PCDH15: variants seen among roughly 807,000 people sequenced by gnomAD.
PCDH15 encodes the protein protocadherin-15.
PCDH15 carries 129 observed loss-of-function variants against 178.5 expected under a neutral mutation model. The observed-to-expected ratio is 0.72, with a 90% CI of 0.63 to 0.84. PCDH15 has a LOEUF of 0.84. Among genes scored for constraint, PCDH15 ranks in the 40% least tolerant of loss-of-function variants. The pLI, the probability that PCDH15 is intolerant of heterozygous loss-of-function variation, is 0.00. For synonymous variants in PCDH15, 800 were observed against 732.0 expected (o/e 1.09, Z -1.50); for missense variants, 2,230 against 2,099.9 (o/e 1.06, Z -1.21).
rs143828288 is a variant in PCDH15, at chr10:55,199,576, A to G, written c.-155-32925T>C. On this transcript the variant is annotated intron_variant, in intron 1 of 5. Transcript: ENST00000458638. Reference sequence around the variant, plus strand: ...ATTCAAGCCCACTGCAGAAATTTATATAAGTAAAGAAGAGCAGAATATAAA... The same window carrying G: ...ATTCAAGCCCACTGCAGAAATTTATGTAAGTAAAGAAGAGCAGAATATAAA... 6.6e-4 allele frequency among the ~76,000 whole-genome samples: 101 copies of G among 152,256 alleles called. 3 individuals are homozygous for G. Among genetic ancestry groups the G allele is most frequent in the African/African-American group, 2.2e-3 (91 of 41,490 alleles).
intron 15 of PCDH15, among the ~76,000 whole-genome samples, chr10:54,097,080 T>C (rs772889961): frequency 1.3e-5 from 2 of 152,222 alleles, no homozygotes; most frequent in African/African-American, 2.4e-5. Flanking sequence ...ACTCCAGGCC[T>C]AGAATGTGCT....
chr10:55,460,820 C>T (rs1839660669), intron 2 of PCDH15, among the ~76,000 whole-genome samples: 1 of 152,020 alleles, frequency 6.6e-6, no homozygotes, highest in African/African-American at 2.4e-5. Flanking sequence ...GGATATTTTT[C>T]TCTCATAATA....
intron 26 of PCDH15, among the ~76,000 whole-genome samples, chr10:53,887,762 G>A (rs2081201195): frequency 6.6e-6 from 1 of 152,280 alleles, no homozygotes; most frequent in South Asian, 2.1e-4. Context: ...GGTGGCACAT[G>A]CCTGTAGTCC....
At chr10:54,265,099 G>A (rs1241677644) in intron 8 of PCDH15, among the ~76,000 whole-genome samples, 11 of 152,032 alleles carry the variant, frequency 7.2e-5, no homozygotes, top group Non-Finnish European at 1.5e-5. Flanking sequence ...GAGATTAGAG[G>A]TCTATTTTTA....
intron 5 of PCDH15, among the ~76,000 whole-genome samples, chr10:54,366,016 C>T (rs977488685): frequency 4.2e-4 from 64 of 152,118 alleles, no homozygotes; most frequent in African/African-American, 1.5e-3. Flanking sequence ...AAATAAGGTA[C>T]ATGAAAGTAG....
upstream of PCDH15, among the ~76,000 whole-genome samples, chr10:55,323,313 A>G (rs1291242146): frequency 1.3e-5 from 2 of 152,328 alleles, no homozygotes; most frequent in East Asian, 1.9e-4. Context: ...CAGAGTCCCC[A>G]CTGGGGCACT....
chr10:53,809,366 T>C, intron 37 of PCDH15: 7 of 1,614,004 alleles, frequency 4.3e-6, no homozygotes, highest in East Asian at 4.5e-5. Context: ...AGGTCAACGA[T>C]TCCTCTTTTA....
At chr10:54,508,047 C>T (rs376986723) in intron 3 of PCDH15, among the ~76,000 whole-genome samples, 23 of 152,012 alleles carry the variant, frequency 1.5e-4, no homozygotes, top group Middle Eastern at 6.8e-3. Flanking sequence ...ATCCCCAAGA[C>T]GAACATTTCA....
At chr10:54,237,068 C>G (rs2054707072) in intron 8 of PCDH15, 137 bp from the exon 9 acceptor site, 1 of 772,018 alleles carries the variant, frequency 1.3e-6, no homozygotes, top group Non-Finnish European at 2.3e-6. Context: ...TGATCTAATA[C>G]CTTTTACTAG....
chr10:53,812,769 A>G (rs1174677534), intron 35 of PCDH15, among the ~76,000 whole-genome samples: 1 of 152,182 alleles, frequency 6.6e-6, no homozygotes, highest in South Asian at 2.1e-4. Flanking sequence ...TCATTTCGCA[A>G]TGGAATACGA....
At chr10:54,462,782 G>A (rs1417666502) in intron 3 of PCDH15, among the ~76,000 whole-genome samples, 4 of 141,224 alleles carry the variant, frequency 2.8e-5, no homozygotes, top group African/African-American at 1.1e-4. Context: ...TGCCCACCTC[G>A]GCCTCCCAAA....
chr10:54,371,053 C>T (rs562829684), intron 4 of PCDH15, among the ~76,000 whole-genome samples: 2 of 151,774 alleles, frequency 1.3e-5, no homozygotes, highest in Non-Finnish European at 2.9e-5. Context: ...GCATTAAAAT[C>T]ATGTGTATAA....
chr10:54,135,473 C>T lies in PCDH15; in HGVS notation c.1785-2466G>A, dbSNP rs143895441. Among the ~76,000 whole-genome samples the T allele has an allele frequency of 1.5e-4, 23 of 152,188 alleles. No individual in the cohort carries two copies. In the East Asian group the frequency reaches 3.3e-3, roughly 22 times the overall value. On this transcript the variant is annotated intron_variant, in intron 14 of 37. Coordinates refer to ENST00000644397, the MANE Select transcript of PCDH15 (RefSeq NM_001384140.1). The stretch of plus-strand genomic sequence containing the variant: ...GGGAAGTTACAAAATGTATTGTATA[C>T]TGCAAAGATTCCCACTTCCGTGTTG...
intron 2 of PCDH15, among the ~76,000 whole-genome samples, chr10:55,596,017 A>G (rs1316521391): frequency 3.9e-5 from 6 of 152,026 alleles, no homozygotes; most frequent in African/African-American, 1.4e-4. Context: ...CTAGAGATGG[A>G]GTCTTAAGTA....
intron 1 of PCDH15, among the ~76,000 whole-genome samples, chr10:55,309,947 T>C (rs1251931456): frequency 6.6e-6 from 1 of 152,158 alleles, no homozygotes; most frequent in African/African-American, 2.4e-5. Context: ...TCTATGCCTA[T>C]TCTACTTCCA....
intron 2 of PCDH15, among the ~76,000 whole-genome samples, chr10:54,659,097 T>A (rs2094452145): frequency 1.3e-5 from 2 of 151,990 alleles, no homozygotes; most frequent in African/African-American, 4.8e-5. Context: ...CCCAACACCA[T>A]AGCACCCAGA....
chr10:54,459,239 C>T (rs528526610), intron 3 of PCDH15, among the ~76,000 whole-genome samples: 20 of 152,036 alleles, frequency 1.3e-4, no homozygotes, highest in South Asian at 2.1e-4. Context: ...TGGACACCTG[C>T]GACAGGAACA....
chr10:55,368,514 C>T (rs114096629), intron 2 of PCDH15, among the ~76,000 whole-genome samples: 1 of 152,204 alleles, frequency 6.6e-6, no homozygotes, highest in East Asian at 1.9e-4. Context: ...TTTGATTGCT[C>T]TATCTGTAGA....
chr10:55,617,871 T>C (rs1170498876), intron 2 of PCDH15, among the ~76,000 whole-genome samples: 2 of 152,042 alleles, frequency 1.3e-5, no homozygotes, highest in African/African-American at 4.8e-5. Flanking sequence ...ATCTAAACTT[T>C]TCAGTTAATT....
Sources: gnomAD v4.1 joint callset for allele counts (sites outside exome capture counted in the v4.1 genomes callset) on GRCh38, gnomAD v4.1.1 for gene constraint, MANE v1.5 for transcripts, NCBI Gene and HGNC (gene_info 2026-07-23, HGNC 2026-07-21) for gene names.